The following GREB1 variants were observed in gnomAD, a reference collection of about 807,000 sequenced individuals.
GREB1 encodes the protein growth regulating estrogen receptor binding 1.
In GREB1, 106 loss-of-function variants were observed where a neutral mutation model predicts 200.7. The observed-to-expected ratio is 0.53, with a 90% CI of 0.45 to 0.62. The LOEUF is 0.62. GREB1 is among the 20% of genes least tolerant of loss of function. The pLI is 0.00. For synonymous variants in GREB1, 1,132 were observed against 1,092.4 expected (o/e 1.04, Z -0.72); for missense variants, 2,243 against 2,556.8 (o/e 0.88, Z 2.65).
At chr2:11,543,735 TG>T (rs1428436795) in intron 1 of GREB1, among the ~76,000 whole-genome samples, 1 of 152,228 alleles carries the variant, frequency 6.6e-6, no homozygotes, top group African/African-American at 2.4e-5. Context: ...TGAGTCCTGC[TG>T]GTTTTGATCT....
chr2:11,539,232 G>A (rs1053730623), intron 1 of GREB1, among the ~76,000 whole-genome samples: 3 of 151,504 alleles, frequency 2.0e-5, no homozygotes, highest in African/African-American at 7.3e-5. Context: ...TTTATTTTTT[G>A]TAGAGATGTG....
chr2:11,592,473 A>G (rs894298156), intron 10 of GREB1, among the ~76,000 whole-genome samples: 3 of 152,032 alleles, frequency 2.0e-5, no homozygotes, highest in East Asian at 1.9e-4. Context: ...AGCAAGGACT[A>G]TGTTTCTGGA....
At chr2:11,598,591 G>C in intron 14 of GREB1, 89 bp from the exon 15 acceptor site, 1 of 1,156,424 alleles carries the variant, frequency 8.6e-7, no homozygotes. Flanking sequence ...AGGACCTGCT[G>C]TGTAGGAGTC....
At chr2:11,521,600 A>T (rs2148472908) in intron 1 of GREB1, among the ~76,000 whole-genome samples, 1 of 152,296 alleles carries the variant, frequency 6.6e-6, no homozygotes, top group Non-Finnish European at 1.5e-5. Context: ...ACTTCTACTC[A>T]TCTTGTGCTC....
At position 11,632,051 on chromosome 2, in the gene GREB1, A is replaced by C; in HGVS notation, c.4754A>C (p.Lys1585Thr). 6.2e-7 allele frequency: 1 copy of C among 1,614,118 alleles called. No individual in the cohort carries two copies. Among genetic ancestry groups the C allele is most frequent in the Non-Finnish European group, 8.5e-7 (1 of 1,179,978 alleles). The change falls in exon 27 of 33, where the codon AAG (lysine) becomes ACG (threonine). Residue 1585 changes from lysine (K) to threonine (T), a missense_variant. Transcript: ENST00000381486. ...VVKEYEMAIY[K>T]KYWPNHIMLV... ...AAGGAATACGAGATGGCAATTTATA[A>C]GAAATATTGGCCCAACCACATCATG...
chr2:11,563,488 G>A (rs577378399), intron 3 of GREB1, among the ~76,000 whole-genome samples: 1 of 152,202 alleles, frequency 6.6e-6, no homozygotes, highest in African/African-American at 2.4e-5. Flanking sequence ...TGAGCCACAC[G>A]ACCTCTTTGC....
At chr2:11,596,298 A>T in intron 13 of GREB1, 59 bp downstream of exon 13, 1 of 1,445,566 alleles carries the variant, frequency 6.9e-7, no homozygotes. Context: ...GATGAGGGGC[A>T]GGGTCAGTGG....
intron 9 of GREB1, chr2:11,587,739 A>ACGCGCGCGCGCG (rs1211011498): frequency 1.4e-6 from 1 of 697,334 alleles, no homozygotes; most frequent in African/African-American, 2.0e-5. Context: ...ACACACACAC[A>ACGCGCGCGCGCG]CACGCCACCT....
intron 30 of GREB1, 56 bp from the exon 31 acceptor site, chr2:11,637,659 TG>T: frequency 6.5e-7 from 1 of 1,549,840 alleles, no homozygotes. Context: ...CCGGAAGCCA[TG>T]GGAAGGTCCT....
chr2:11,553,520 G>A (rs1259920337), intron 1 of GREB1, among the ~76,000 whole-genome samples: 1 of 151,816 alleles, frequency 6.6e-6, no homozygotes, highest in Non-Finnish European at 1.5e-5. Flanking sequence ...ACTTTTCTAT[G>A]CTGTCTTGTT....
intron 1 of GREB1, among the ~76,000 whole-genome samples, chr2:11,528,560 A>G (rs540187040): frequency 2.9e-4 from 44 of 152,142 alleles, no homozygotes; most frequent in African/African-American, 1.0e-3. Flanking sequence ...GCTATTCACA[A>G]TCACAATTAT....
In GREB1 at chr2:11,587,693, TAACA is replaced by T. The variant is rs780233359; in HGVS notation, c.1160-1052_1160-1049del. 3.2e-3 allele frequency: 3,133 copies of T among 980,092 alleles called. 104 individuals carry two copies. The African/African-American group carries it at 0.042, about 13-fold the overall frequency. 60.7% of individuals were successfully genotyped at this position (980,092 alleles called of 1,614,324 possible). ...TAAATGGAGTACCTGGAGTACAAGATAACACACACACACACACACACACACACAC... is the reference window on the plus strand; with the variant it reads ...TAAATGGAGTACCTGGAGTACAAGATCACACACACACACACACACACACAC... On this transcript the variant is annotated intron_variant, in intron 9 of 32. Coordinates refer to ENST00000381486, the MANE Select transcript of GREB1 (RefSeq NM_014668.4).
chr2:11,617,141 A>G (rs1219304773), intron 21 of GREB1, among the ~76,000 whole-genome samples: 1 of 152,252 alleles, frequency 6.6e-6, no homozygotes, highest in Non-Finnish European at 1.5e-5. Flanking sequence ...GGGAAGAGCA[A>G]CAAAAGGCAA....
chr2:11,488,287 A>G (rs1049364566), intron 1 of GREB1, among the ~76,000 whole-genome samples: 7 of 152,172 alleles, frequency 4.6e-5, no homozygotes, highest in Non-Finnish European at 7.3e-5. Flanking sequence ...CCATGAATCC[A>G]TGAAGGTGGC....
intron 2 of GREB1, among the ~76,000 whole-genome samples, chr2:11,558,746 G>C (rs1437715670): frequency 6.6e-6 from 1 of 152,182 alleles, no homozygotes; most frequent in Non-Finnish European, 1.5e-5. Flanking sequence ...ATCTCGTAGT[G>C]TCTGTTTGTC....
In GREB1 at chr2:11,495,957, G is replaced by A. The variant is rs1478669426; in HGVS notation, c.-159+13576G>A. Among the ~76,000 whole-genome samples, 4 of 152,050 alleles carry A rather than the reference G, an allele frequency of 2.6e-5. No individual in the cohort carries two copies. The South Asian group carries it at 6.2e-4, about 24-fold the overall frequency. On this transcript the variant is annotated intron_variant, in intron 1 of 2. Coordinates refer to the GREB1 transcript ENST00000628795. ...TTGGGACGGACGTAACGGCAACCCC[G>A]TTTTCCAGGTGAGGATAACCAGACT...
chr2:11,599,008 C>T (rs1681518134), intron 15 of GREB1, 148 bp downstream of exon 15: 2 of 693,932 alleles, frequency 2.9e-6, no homozygotes, highest in Admixed American at 2.4e-5. Flanking sequence ...GGAGGTTTCC[C>T]ACAATCTTGA....
intron 1 of GREB1, among the ~76,000 whole-genome samples, chr2:11,513,966 T>G (rs889812204): frequency 2.6e-5 from 4 of 152,216 alleles, no homozygotes; most frequent in Non-Finnish European, 5.9e-5. Context: ...CCGCTGCCCT[T>G]AGGAGCTCAC....
intron 1 of GREB1, among the ~76,000 whole-genome samples, chr2:11,505,842 GT>G (rs1221930975): frequency 6.6e-6 from 1 of 151,720 alleles, no homozygotes; most frequent in Admixed American, 6.6e-5. Flanking sequence ...GCAAGACCCT[GT>G]TTTGGGAAAA....
Sources: gnomAD v4.1 joint callset for allele counts (sites outside exome capture counted in the v4.1 genomes callset) on GRCh38, gnomAD v4.1.1 for gene constraint, MANE v1.5 for transcripts, NCBI Gene and HGNC (gene_info 2026-07-23, HGNC 2026-07-21) for gene names.